The following GRM1 variants were observed in gnomAD, a reference collection of about 807,000 sequenced individuals.
GRM1 encodes the protein glutamate metabotropic receptor 1.
A neutral mutation model predicts 90.9 loss-of-function variants in GRM1; 33 were observed. That is an observed-to-expected ratio of 0.36 (90% CI 0.28 to 0.49). The LOEUF (loss-of-function observed/expected upper bound fraction) is 0.49. GRM1 is among the 20% of genes least tolerant of loss of function. GRM1 has a pLI of 0.99. For missense variants in GRM1, 1,190 were observed against 1,534.3 expected (o/e 0.78, Z 3.75); for synonymous variants, 700 against 613.2 (o/e 1.14, Z -2.09).
In GRM1 at chr6:146,029,348, G is replaced by C; in HGVS notation, c.-170G>C. 1.5e-6 allele frequency: 1 copy of C among 672,760 alleles called. No homozygotes were observed. Among genetic ancestry groups the C allele is most frequent in the Non-Finnish European group, 2.7e-6 (1 of 374,354 alleles). 41.7% of individuals were successfully genotyped at this position (672,760 alleles called of 1,614,324 possible). On this transcript the variant is annotated 5_prime_UTR_variant, in exon 1 of 8. Transcript: ENST00000282753. ...TGGAGGACCCAGAGGAGGAGACGAA[G>C]GGGAAGGAGGCGGTGGTGGAGGAGG...
intron 3 of GRM1, among the ~76,000 whole-genome samples, chr6:146,319,802 G>T (rs1375296773): frequency 6.6e-6 from 1 of 152,076 alleles, no homozygotes; most frequent in African/African-American, 2.4e-5. Context: ...TGTGATTTTT[G>T]CACATTGCTT....
intron 2 of GRM1, among the ~76,000 whole-genome samples, chr6:146,183,030 G>A (rs1778604731): frequency 1.3e-5 from 2 of 152,000 alleles, no homozygotes; most frequent in South Asian, 2.1e-4. Flanking sequence ...GGCAGTTAAG[G>A]GCTGGTAGGA....
chr6:146,070,198 C>T (rs185555664), intron 1 of GRM1, among the ~76,000 whole-genome samples: 98 of 152,042 alleles, frequency 6.4e-4, no homozygotes, highest in Admixed American at 2.6e-3. Flanking sequence ...AAGTTTATTG[C>T]TCAGTGGTGG....
intron 2 of GRM1, among the ~76,000 whole-genome samples, chr6:146,297,604 A>G (rs944465832): frequency 1.3e-5 from 2 of 152,194 alleles, no homozygotes; most frequent in Non-Finnish European, 2.9e-5. Flanking sequence ...TTCAAATGGC[A>G]GGATCTAGAA....
chr6:146,151,601 A>C (rs1023617628), intron 1 of GRM1, among the ~76,000 whole-genome samples: 1 of 152,184 alleles, frequency 6.6e-6, no homozygotes, highest in Non-Finnish European at 1.5e-5. Flanking sequence ...GGGTCAATGA[A>C]ACTTAGCCAC....
chr6:146,400,995 T>C (rs577690405), intron 7 of GRM1, among the ~76,000 whole-genome samples: 42 of 152,268 alleles, frequency 2.8e-4, no homozygotes, highest in African/African-American at 8.7e-4. Flanking sequence ...CCCTTAGTTA[T>C]TCTTTATTTA....
chr6:146,369,375 G>C (rs918842909), intron 5 of GRM1, among the ~76,000 whole-genome samples: 1 of 151,646 alleles, frequency 6.6e-6, no homozygotes, highest in East Asian at 1.9e-4. Context: ...GGTTTGGTTT[G>C]CTCTTGCTTT....
At chr6:146,157,714 T>C (rs1192985467) in intron 1 of GRM1, among the ~76,000 whole-genome samples, 1 of 152,090 alleles carries the variant, frequency 6.6e-6, no homozygotes. Context: ...TGATGGGATC[T>C]AGTGTCCGTG....
At chr6:146,115,888 T>C (rs1562472801) in intron 1 of GRM1, among the ~76,000 whole-genome samples, 1 of 152,206 alleles carries the variant, frequency 6.6e-6, no homozygotes, top group Non-Finnish European at 1.5e-5. Flanking sequence ...TCCTTTGATA[T>C]TTAATGATTG....
At chr6:146,202,970 C>A (rs910079672) in intron 2 of GRM1, among the ~76,000 whole-genome samples, 1 of 151,868 alleles carries the variant, frequency 6.6e-6, no homozygotes, top group Non-Finnish European at 1.5e-5. Flanking sequence ...CCAAGGCGGG[C>A]GGATCACGAG....
chr6:146,062,146 G>A (rs1582946335), intron 1 of GRM1, among the ~76,000 whole-genome samples: 1 of 152,180 alleles, frequency 6.6e-6, no homozygotes, highest in East Asian at 1.9e-4. Context: ...ATATACACCA[G>A]GGAATACTAT....
chr6:146,241,827 T>C (rs1562551286), intron 2 of GRM1, among the ~76,000 whole-genome samples: 1 of 152,186 alleles, frequency 6.6e-6, no homozygotes, highest in Non-Finnish European at 1.5e-5. Context: ...TTTATAAACC[T>C]ATAAAATACC....
chr6:146,203,192 AAAAT>A (rs60263974), intron 2 of GRM1, among the ~76,000 whole-genome samples: 26,572 of 141,618 alleles, frequency 0.19, 2,697 homozygotes, highest in African/African-American at 0.27. Context: ...ACTCCGTCTC[AAAAT>A]AAATAAATAA....
intron 2 of GRM1, among the ~76,000 whole-genome samples, chr6:146,263,211 A>G (rs570455844): frequency 8.7e-4 from 133 of 152,148 alleles, no homozygotes; most frequent in African/African-American, 3.1e-3. Context: ...AGAAATGGAT[A>G]AAATATCTAG....
At chr6:146,119,076 G>A (rs1342418218) in intron 1 of GRM1, among the ~76,000 whole-genome samples, 5 of 152,154 alleles carry the variant, frequency 3.3e-5, no homozygotes, top group Non-Finnish European at 7.4e-5. Flanking sequence ...AAGTGTTCCT[G>A]TTTCTCCACA....
chr6:146,239,144 G>A (rs1019085567), intron 2 of GRM1, among the ~76,000 whole-genome samples: 2 of 152,112 alleles, frequency 1.3e-5, no homozygotes, highest in African/African-American at 4.8e-5. Context: ...AAAGAGAAAG[G>A]TATCAGCTCC....
intron 2 of GRM1, among the ~76,000 whole-genome samples, chr6:146,251,938 C>T (rs779058604): frequency 1.5e-4 from 23 of 152,042 alleles, no homozygotes; most frequent in Non-Finnish European, 3.2e-4. Context: ...GGGCTCATGC[C>T]TTCACCTCCT....
rs1778538416 is a variant in GRM1, at chr6:146,434,699, G to C, written c.3488G>C (p.Ser1163Thr). Residue 1163 changes from serine to threonine, a missense_variant, in exon 8 of 8, where the codon AGC (serine) becomes ACC (threonine). Physicochemically the swap from Ser to Thr is moderately conservative, Grantham distance 58. This residue lies in a region of GRM1 where 48 missense variants were observed against 48.5 expected (regional missense o/e 0.99). Coordinates refer to ENST00000282753, the MANE Select transcript of GRM1 (RefSeq NM_001278064.2). ...DSVASGSSVP[S>T]SPVSESVLCT... ...GTGGCCTCGGGCAGCTCGGTGCCCA[G>C]CTCCCCCGTGTCCGAGTCGGTGCTC... is the stretch of plus-strand genomic sequence containing the variant. The C allele has an allele frequency of 6.2e-7, 1 of 1,604,246 alleles. No homozygotes were observed. The highest frequency in any genetic ancestry group is 8.5e-7 in the Non-Finnish European group (1 of 1,179,918).
intron 7 of GRM1, among the ~76,000 whole-genome samples, chr6:146,414,377 T>TTTATTATTATTA (rs56297907): frequency 0.097 from 14,126 of 145,274 alleles, 803 homozygotes; most frequent in South Asian, 0.16. Flanking sequence ...CCGTTTGCCT[T>TTTATTATTATTA]TTATTATTAT....
Sources: gnomAD v4.1 joint callset for allele counts (sites outside exome capture counted in the v4.1 genomes callset) on GRCh38, gnomAD v4.1.1 for gene constraint, gnomAD v4.1.1 regional missense constraint, MANE v1.5 for transcripts, NCBI Gene and HGNC (gene_info 2026-07-23, HGNC 2026-07-21) for gene names.